Variants in DLG2 observed in about 807,000 individuals in gnomAD.
The protein encoded by DLG2 is discs large MAGUK scaffold protein 2, also known as disks large homolog 2.
DLG2 carries 45 observed loss-of-function variants against 132.5 expected under a neutral mutation model. The ratio of observed to expected loss-of-function variants is 0.34; its 90% CI spans 0.27 to 0.44. The LOEUF is 0.44. DLG2 is among the 20% of genes least tolerant of loss of function. DLG2 has a pLI of 1.00. For synonymous variants in DLG2, 424 were observed against 419.6 expected (o/e 1.01, Z -0.13); for missense variants, 1,045 against 1,196.9 (o/e 0.87, Z 1.87).
At chr11:84,112,105 C>T (rs1349596459) in intron 9 of DLG2, among the ~76,000 whole-genome samples, 1 of 151,896 alleles carries the variant, frequency 6.6e-6, no homozygotes, top group Non-Finnish European at 1.5e-5. Flanking sequence ...CTCCGCCTCC[C>T]GGGTTCATGC....
chr11:84,322,909 A>G (rs2154397588), intron 7 of DLG2, among the ~76,000 whole-genome samples: 1 of 152,300 alleles, frequency 6.6e-6, no homozygotes, highest in South Asian at 2.1e-4. Flanking sequence ...AGAAGATAAT[A>G]AAAGTGTGCT....
rs79910418 is a variant in DLG2 at position 84,894,708 on chromosome 11, A to G, written c.357+216953T>C. ...ATTGTTGGGAGTTAGGTTCAATGAT[A>G]CTCTATATCACATGGATCAGGCAAG... On this transcript the variant is annotated intron_variant, in intron 6 of 27. Transcript: ENST00000376104. Among the ~76,000 whole-genome samples the G allele has an allele frequency of 1.9e-3, 294 of 152,180 alleles. 4 individuals carry two copies. In the East Asian group the frequency reaches 0.039, roughly 20 times the overall value.
At position 84,753,503 on chromosome 11, in the gene DLG2, T is replaced by C. The variant is rs532477554; in HGVS notation, c.358-218772A>G. Among the ~76,000 whole-genome samples, 4 of 152,270 alleles carry C rather than the reference T, an allele frequency of 2.6e-5. No individual in the cohort carries two copies. In the South Asian group the frequency reaches 8.3e-4, roughly 32 times the overall value. On this transcript the variant is annotated intron_variant, in intron 6 of 27. Coordinates refer to ENST00000376104, the MANE Select transcript of DLG2 (RefSeq NM_001142699.3). ...GGTAGGCTCTGAGGAACATAAGCAG[T>C]CAAAGATTAATTTATGTTTTTGGCC...
At chr11:84,803,609 A>T (rs1158209508) in intron 6 of DLG2, among the ~76,000 whole-genome samples, 3 of 152,238 alleles carry the variant, frequency 2.0e-5, no homozygotes, top group Admixed American at 1.3e-4. Context: ...ATCTGAAATG[A>T]AACTATGATT....
At chr11:84,758,266 G>C (rs181910966) in intron 6 of DLG2, among the ~76,000 whole-genome samples, 1 of 152,268 alleles carries the variant, frequency 6.6e-6, no homozygotes, top group East Asian at 1.9e-4. Context: ...GTTCTACTTT[G>C]TAACAACAAG....
chr11:85,155,257 T>C (rs72961558), intron 4 of DLG2, among the ~76,000 whole-genome samples: 8,161 of 152,218 alleles, frequency 0.054, 323 homozygotes, highest in African/African-American at 0.1. Flanking sequence ...ACTGTAAAAA[T>C]TGGGGCTTGA....
intron 6 of DLG2, among the ~76,000 whole-genome samples, chr11:85,017,336 T>C (rs151211076): frequency 1.2e-4 from 17 of 137,572 alleles, no homozygotes; most frequent in African/African-American, 3.5e-4. Flanking sequence ...CCAGGGAGTA[T>C]GTCATATTCT....
intron 15 of DLG2, among the ~76,000 whole-genome samples, chr11:83,907,898 C>A (rs1463192639): frequency 1.3e-5 from 2 of 152,144 alleles, no homozygotes; most frequent in African/African-American, 2.4e-5. Flanking sequence ...GCCACCAGCA[C>A]CTCCACTCTC....
rs2095486751 is a variant in DLG2 at position 84,158,870 on chromosome 11, T to C, written c.624+4591A>G. On this transcript the variant is annotated intron_variant, in intron 9 of 27. Transcript: ENST00000376104. The stretch of plus-strand genomic sequence containing the variant: ...TAAATAATTCTTGTGAGAACTACCA[T>C]GTTAACCAAAGAAAATATTAAGAAT... Among the ~76,000 whole-genome samples, 3 of 152,346 alleles carry C rather than the reference T, an allele frequency of 2.0e-5. 1 individual carries two copies. The highest frequency in any genetic ancestry group is 4.4e-5 in the Non-Finnish European group (3 of 68,032).
At chr11:84,215,022 T>C (rs564334502) in intron 8 of DLG2, among the ~76,000 whole-genome samples, 1 of 152,210 alleles carries the variant, frequency 6.6e-6, no homozygotes, top group African/African-American at 2.4e-5. Flanking sequence ...AAATAATGAC[T>C]GTCTTAGAGT....
At chr11:85,067,996 C>G (rs2065191087) in intron 6 of DLG2, among the ~76,000 whole-genome samples, 1 of 152,030 alleles carries the variant, frequency 6.6e-6, no homozygotes, top group African/African-American at 2.4e-5. Flanking sequence ...GCTGTTTCAA[C>G]ATATGCAAAT....
chr11:83,775,499 C>T (rs559055745), intron 18 of DLG2, among the ~76,000 whole-genome samples: 3 of 152,228 alleles, frequency 2.0e-5, no homozygotes, highest in Admixed American at 6.5e-5. Context: ...CAAGTTTTTG[C>T]AAAGTTTAAA....
intron 8 of DLG2, among the ~76,000 whole-genome samples, chr11:84,213,211 A>G (rs999510868): frequency 3.3e-5 from 5 of 152,174 alleles, no homozygotes; most frequent in Non-Finnish European, 5.9e-5. Context: ...AAGAAGGATT[A>G]ATCACCCCCA....
intron 11 of DLG2, among the ~76,000 whole-genome samples, chr11:84,058,851 T>C (rs1276474906): frequency 1.3e-5 from 2 of 152,022 alleles, no homozygotes; most frequent in East Asian, 3.9e-4. Flanking sequence ...TAAAATGTCA[T>C]GTAATATTGG....
intron 3 of DLG2, among the ~76,000 whole-genome samples, chr11:85,335,241 C>CTTTTTTTTTTT (rs34680409): frequency 6.7e-6 from 1 of 148,260 alleles, no homozygotes. Context: ...AGCATCTCTG[C>CTTTTTTTTTTT]TTTTTTTTTT....
At chr11:85,288,001 G>T (rs1053918326) in intron 3 of DLG2, among the ~76,000 whole-genome samples, 17 of 152,022 alleles carry the variant, frequency 1.1e-4, no homozygotes, top group African/African-American at 3.9e-4. Context: ...AAAAGATGTA[G>T]TTACTTCAGT....
chr11:84,736,689 C>G (rs983955842), intron 6 of DLG2, among the ~76,000 whole-genome samples: 1 of 151,640 alleles, frequency 6.6e-6, no homozygotes, highest in African/African-American at 2.4e-5. Context: ...TAATTTCTAA[C>G]TGTTGTTAGT....
rs1039735623 is a variant in DLG2 at position 84,703,881 on chromosome 11, T to TATATATATATATATATATAC, written c.358-169151_358-169150insGTATATATATATATATATAT. Among the ~76,000 whole-genome samples, 583 of 122,598 alleles carry TATATATATATATATATATAC rather than the reference T, an allele frequency of 4.8e-3. 9 individuals are homozygous for TATATATATATATATATATAC. The highest frequency in any genetic ancestry group is 0.014 in the East Asian group (55 of 3,962). 80.4% of individuals were successfully genotyped at this position (122,598 alleles called of 152,430 possible). On this transcript the variant is annotated intron_variant, in intron 6 of 27. Transcript: ENST00000376104. ...AGATATATATATATATATATATATA[T>TATATATATATATATATATAC]ATACACGTGTGTGTGTGTGTGTGTG...
intron 6 of DLG2, among the ~76,000 whole-genome samples, chr11:84,950,424 C>T (rs1225355836): frequency 6.6e-6 from 1 of 152,158 alleles, no homozygotes; most frequent in Non-Finnish European, 1.5e-5. Context: ...ATCTATTCCT[C>T]CTAACTTATA....
Sources: allele counts gnomAD v4.1 joint callset (sites outside exome capture counted in the v4.1 genomes callset), GRCh38; gene constraint gnomAD v4.1.1; transcripts MANE v1.5; gene names NCBI Gene and HGNC (gene_info 2026-07-23, HGNC 2026-07-21).